FOXP2: variants seen among roughly 807,000 people sequenced by gnomAD.
The protein encoded by FOXP2 is forkhead box P2.
In FOXP2, 12 loss-of-function variants were observed where a neutral mutation model predicts 115.8. The observed-to-expected ratio is 0.10, with a 90% CI of 0.07 to 0.17. The LOEUF is 0.17. Ranked by LOEUF, FOXP2 falls within the 10% of genes least tolerant of loss-of-function variation. The pLI is 1.00. For synonymous variants in FOXP2, 328 were observed against 297.7 expected, an observed-to-expected ratio of 1.10 and a Z score of -1.05; for missense variants, 629 against 843.5, an observed-to-expected ratio of 0.75 and a Z score of 3.15.
intron 2 of FOXP2, among the ~76,000 whole-genome samples, chr7:114,530,258 G>A (rs1172203942): frequency 6.6e-6 from 1 of 151,862 alleles, no homozygotes; most frequent in African/African-American, 2.4e-5. Context: ...AAGAAGCCTA[G>A]GCAACAGTGT....
chr7:114,094,652 T>TA (rs1290318553), intron 1 of FOXP2, among the ~76,000 whole-genome samples: 2 of 152,258 alleles, frequency 1.3e-5, no homozygotes, highest in Non-Finnish European at 2.9e-5. Flanking sequence ...TTTCCTCTTT[T>TA]AAAAAATTAT....
rs550456239 is a variant in FOXP2, at chr7:114,484,939, G to T, written c.169-49678G>T. Among the ~76,000 whole-genome samples, 4 of 151,694 alleles carry T rather than the reference G, an allele frequency of 2.6e-5. No individual in the cohort carries two copies. The East Asian group carries it at 7.7e-4, about 29-fold the overall frequency. ...TGGTTGGAACATTATCAATGTTAAGGTACTATGTACTCTGGATTTAAATAA... is the reference window on the plus strand; with the variant it reads ...TGGTTGGAACATTATCAATGTTAAGTTACTATGTACTCTGGATTTAAATAA... On this transcript the variant is annotated intron_variant, in intron 2 of 16. Coordinates refer to ENST00000350908, the MANE Select transcript of FOXP2 (RefSeq NM_014491.4).
chr7:114,524,164 A>G (rs1303863414), intron 2 of FOXP2, among the ~76,000 whole-genome samples: 2 of 152,140 alleles, frequency 1.3e-5, no homozygotes, highest in African/African-American at 4.8e-5. Context: ...TTATTATTAA[A>G]AATTTTTCAT....
At chr7:114,271,926 A>C (rs1263559792) in intron 1 of FOXP2, among the ~76,000 whole-genome samples, 2 of 129,758 alleles carry the variant, frequency 1.5e-5, no homozygotes, top group Non-Finnish European at 3.1e-5. Context: ...TAATATAATT[A>C]TTATAATATT....
rs114573788 is a variant in FOXP2, at chr7:114,097,541, T to C, written c.-247+9703T>C. On this transcript the variant is annotated intron_variant, in intron 1 of 19. Coordinates refer to the FOXP2 transcript ENST00000635638. Reference sequence around the variant, plus strand: ...TATTTTTCATTCAAGTAAGTTTTTATATAGCCTTAAGTTACATTTAGGCTT... The same window carrying C: ...TATTTTTCATTCAAGTAAGTTTTTACATAGCCTTAAGTTACATTTAGGCTT... Among the ~76,000 whole-genome samples the C allele has an allele frequency of 2.5e-3, 383 of 152,352 alleles. 1 individual carries two copies. The highest frequency in any genetic ancestry group is 8.9e-3 in the African/African-American group (369 of 41,586).
chr7:114,122,068 T>C (rs978305078), intron 1 of FOXP2, among the ~76,000 whole-genome samples: 2 of 152,138 alleles, frequency 1.3e-5, no homozygotes, highest in African/African-American at 4.8e-5. Context: ...TTTATAATTT[T>C]TTATAAGGGT....
chr7:114,619,255 A>G (rs1804108382), intron 3 of FOXP2, among the ~76,000 whole-genome samples: 1 of 152,144 alleles, frequency 6.6e-6, no homozygotes, highest in South Asian at 2.1e-4. Context: ...AAGAAACTGT[A>G]AATACTAGTT....
chr7:114,615,287 GCTCA>G (rs2129320255), intron 3 of FOXP2, among the ~76,000 whole-genome samples: 1 of 152,144 alleles, frequency 6.6e-6, no homozygotes, highest in Non-Finnish European at 1.5e-5. Context: ...CAATTATATT[GCTCA>G]CTGTCATCAT....
At chr7:114,521,775 A>T (rs1285575089) in intron 2 of FOXP2, among the ~76,000 whole-genome samples, 1 of 152,048 alleles carries the variant, frequency 6.6e-6, no homozygotes, top group East Asian at 1.9e-4. Context: ...AAGAAATATT[A>T]TGCTAATTTC....
chr7:114,150,286 G>A (rs1179122693), intron 1 of FOXP2, among the ~76,000 whole-genome samples: 3 of 151,932 alleles, frequency 2.0e-5, no homozygotes, highest in South Asian at 4.1e-4. Flanking sequence ...CTAATGTGCA[G>A]TTTTATAATT....
rs146946840 is a variant in FOXP2 at position 114,656,431 on chromosome 7, A to G, written c.1267-1635A>G. On this transcript the variant is annotated intron_variant, in intron 10 of 16. Transcript: ENST00000350908. ...TTGTTATGTATATGTTCTGATGTTG[A>G]TATTTTAGAATATTTGCAAAGTCAC... The G allele has an allele frequency of 1.2e-3, 518 of 428,126 alleles. 2 individuals are homozygous for G. Among genetic ancestry groups the G allele is most frequent in the African/African-American group, 9.5e-3 (467 of 49,030 alleles). The allele number at this position is 428,126 out of a possible 1,614,324, so 26.5% of individuals were successfully genotyped here.
At chr7:114,375,801 A>G (rs966669068) in intron 2 of FOXP2, among the ~76,000 whole-genome samples, 1 of 152,108 alleles carries the variant, frequency 6.6e-6, no homozygotes, top group Admixed American at 6.6e-5. Flanking sequence ...GAGAGTGAAA[A>G]CAGACTGGAA....
At chr7:114,670,970 CT>C (rs550818973) in intron 16 of FOXP2, among the ~76,000 whole-genome samples, 17 of 150,676 alleles carry the variant, frequency 1.1e-4, no homozygotes, top group Middle Eastern at 3.5e-3. Context: ...AACATGAAAG[CT>C]TTTTTTTTGC....
rs35572133 is a variant in FOXP2, at chr7:114,132,582, T to TGAGAGAGA, written c.-246-30335_-246-30328dup. Reference sequence around the variant, plus strand: ...GTGTGTGTGTGTGTGTGTGTGTGTGTGAGAGAGAGAGAGAGAGAGAGAGAG... The same window carrying TGAGAGAGA: ...GTGTGTGTGTGTGTGTGTGTGTGTGTGAGAGAGAGAGAGAGAGAGAGAGAGAGAGAGAG... On this transcript the variant is annotated intron_variant, in intron 1 of 19. Coordinates refer to the FOXP2 transcript ENST00000635638. Among the ~76,000 whole-genome samples the TGAGAGAGA allele has an allele frequency of 2.6e-3, 143 of 55,990 alleles. 5 individuals are homozygous for TGAGAGAGA. Among genetic ancestry groups the TGAGAGAGA allele is most frequent in the South Asian group, 4.0e-3 (3 of 742 alleles). 36.7% of individuals were successfully genotyped at this position (55,990 alleles called of 152,430 possible). A position where few individuals can be genotyped will look rare whatever the true frequency, so the allele number is the denominator to read the frequency against.
At chr7:114,552,875 T>C (rs928119554) in intron 3 of FOXP2, among the ~76,000 whole-genome samples, 2 of 152,196 alleles carry the variant, frequency 1.3e-5, no homozygotes, top group Non-Finnish European at 2.9e-5. Context: ...ACAATCACTA[T>C]AACTTAGCTT....
intron 3 of FOXP2, among the ~76,000 whole-genome samples, chr7:114,594,270 T>G (rs914182790): frequency 1.3e-5 from 2 of 151,990 alleles, no homozygotes; most frequent in Admixed American, 6.6e-5. Context: ...CCTATTAAAT[T>G]TGCTCAATGT....
intron 1 of FOXP2, among the ~76,000 whole-genome samples, chr7:114,155,234 T>C (rs1792631104): frequency 6.6e-6 from 1 of 152,090 alleles, no homozygotes; most frequent in Non-Finnish European, 1.5e-5. Flanking sequence ...AAAGTAAACC[T>C]GAACATCTAG....
At chr7:114,572,340 T>G (rs996209135) in intron 3 of FOXP2, among the ~76,000 whole-genome samples, 10 of 151,718 alleles carry the variant, frequency 6.6e-5, no homozygotes, top group African/African-American at 2.2e-4. Flanking sequence ...GTGGCCTCAT[T>G]CACTTTAATC....
chr7:114,291,488 T>C (rs1468137772), intron 2 of FOXP2, among the ~76,000 whole-genome samples: 1 of 152,156 alleles, frequency 6.6e-6, no homozygotes, highest in Non-Finnish European at 1.5e-5. Context: ...TACCATATGA[T>C]GAATTTTCAT....
Sources: allele counts gnomAD v4.1 joint callset (sites outside exome capture counted in the v4.1 genomes callset), GRCh38; gene constraint gnomAD v4.1.1; transcripts MANE v1.5; gene names NCBI Gene and HGNC (gene_info 2026-07-23, HGNC 2026-07-21).